Variants in GRHPR observed in about 807,000 individuals in gnomAD.
GRHPR encodes glyoxylate reductase/hydroxypyruvate reductase.
A neutral mutation model predicts 36.8 loss-of-function variants in GRHPR; 35 were observed. The observed-to-expected ratio is 0.95, with a 90% CI of 0.73 to 1.26. The LOEUF (loss-of-function observed/expected upper bound fraction) is 1.26. GRHPR is among the 50% of genes most tolerant of loss of function. The pLI is 0.00. For missense variants in GRHPR, 380 were observed against 435.0 expected, an observed-to-expected ratio of 0.87 and a Z score of 1.12; for synonymous variants, 179 against 181.0, an observed-to-expected ratio of 0.99 and a Z score of 0.09.
intron 6 of GRHPR, chr9:37,430,178 C>T (rs1823291890): frequency 1.9e-6 from 1 of 530,564 alleles, no homozygotes; most frequent in Non-Finnish European, 3.4e-6. Context: ...CTGGCAAGCA[C>T]TACCCTAGCC....
At chr9:37,426,958 A>G (rs1026160560) in intron 4 of GRHPR, among the ~76,000 whole-genome samples, 1 of 151,702 alleles carries the variant, frequency 6.6e-6, no homozygotes, top group African/African-American at 2.4e-5. Flanking sequence ...CTCAAAAAAA[A>G]AAAGAAAAAT....
rs1471519827 is a variant in GRHPR at position 37,425,092 on chromosome 9, C to T, written c.214+117C>T. On this transcript the variant is annotated intron_variant, in intron 2 of 8. Coordinates refer to ENST00000318158, the MANE Select transcript of GRHPR (RefSeq NM_012203.2). ...GTCTGGGTTCTGAGGGCGTTTCCTG[C>T]GATACCAGGCCCGAGCGGGCAGATA... The T allele has an allele frequency of 2.5e-5, 26 of 1,037,906 alleles. 1 individual carries two copies. The highest frequency in any genetic ancestry group is 3.2e-5 in the Non-Finnish European group (22 of 694,646). The allele number at this position is 1,037,906 out of a possible 1,614,324, so 64.3% of individuals were successfully genotyped here.
rs1386599313 is a variant in GRHPR at position 37,424,878 on chromosome 9, C to T, written c.117C>T (p.Pro39=). ...CEVEQWDSDE[P]IPAKELERGV... ...TGGAGCAGTGGGACTCGGATGAGCC[C>T]ATCCCTGCCAAGGAGCTAGAGCGAG... Residue 39 remains proline, a synonymous_variant, in exon 2 of 9, where the codon CCC becomes CCT. Coordinates refer to ENST00000318158, the MANE Select transcript of GRHPR (RefSeq NM_012203.2). 8 of 1,613,614 alleles carry T rather than the reference C, an allele frequency of 5.0e-6. No homozygotes were observed. The highest frequency in any genetic ancestry group is 6.8e-6 in the Non-Finnish European group (8 of 1,179,944).
Position 37,436,750 on chromosome 9 carries a change from G to A in GRHPR, c.955G>A (p.Gly319Arg), listed in dbSNP as rs142835989. 4 of 1,613,976 alleles carry A rather than the reference G, an allele frequency of 2.5e-6. No individual in the cohort carries two copies. The highest frequency in any genetic ancestry group is 3.3e-5 in the Admixed American group (2 of 59,986). The change falls in exon 9 of 9, where the codon GGG (glycine) becomes AGG (arginine). Residue 319 changes from glycine to arginine, a missense_variant. Transcript: ENST00000318158. ...AANNLLAGLRGEPMPSELKL is the reference protein window; with the variant it reads ...AANNLLAGLRREPMPSELKL ...TAACAACTTGCTGGCTGGCCTGAGA[G>A]GGGAGCCGATGCCTAGTGAACTCAA...
chr9:37,424,824 A>C (rs1332436072), intron 1 of GRHPR, 21 bp from the exon 2 acceptor site: 3 of 1,611,330 alleles, frequency 1.9e-6, no homozygotes, highest in Non-Finnish European at 2.5e-6. Flanking sequence ...GCTTCTCCTG[A>C]GGGCCTCCCT....
chr9:37,431,163 C>T (rs1179316172), intron 7 of GRHPR: 13 of 391,860 alleles, frequency 3.3e-5, no homozygotes, highest in Admixed American at 9.6e-5. Flanking sequence ...TCAGACCTTC[C>T]TTCTCTGCCA....
chr9:37,430,936 C>T, intron 7 of GRHPR: 1 of 547,884 alleles, frequency 1.8e-6, no homozygotes, highest in Non-Finnish European at 3.6e-6. Context: ...GGAGCCTCTG[C>T]AGGCCCATTA....
intron 8 of GRHPR, chr9:37,434,812 T>A (rs908644367): frequency 1.3e-5 from 2 of 152,288 alleles, no homozygotes; most frequent in East Asian, 3.8e-4. Flanking sequence ...TCGGCAAATA[T>A]AGCCACCACT....
intron 8 of GRHPR, 133 bp from the exon 9 acceptor site, chr9:37,436,528 A>C: frequency 1.0e-6 from 1 of 968,998 alleles, no homozygotes; most frequent in Non-Finnish European, 1.6e-6. Context: ...GTGGGAGAGA[A>C]GGCAAAGCAT....
chr9:37,430,335 C>T, intron 6 of GRHPR, 176 bp from the exon 7 acceptor site: 1 of 691,998 alleles, frequency 1.4e-6, no homozygotes, highest in Admixed American at 2.0e-5. Context: ...GGTCCAGATC[C>T]CACTGTGTGT....
At position 37,432,138 on chromosome 9, in the gene GRHPR, G is replaced by T. The variant is rs1469797743; in HGVS notation, c.865G>T (p.Val289Leu). The T allele has an allele frequency of 6.2e-7, 1 of 1,613,868 alleles. No homozygotes were observed. Among genetic ancestry groups the T allele is most frequent in the East Asian group, 2.2e-5 (1 of 44,868 alleles). The change falls in exon 8 of 9, where the codon GTG becomes TTG. Residue 289 changes from valine (V) to leucine (L), a missense_variant and splice_region_variant. Transcript: ENST00000318158. ...CCCTCTCCTGACCCTGAAGAACTGT[G>T]GTAAGAACTGCACTTTCTGATGCAA... ...NHPLLTLKNCVILPHIGSATH... is the reference protein window; with the variant it reads ...NHPLLTLKNCLILPHIGSATH...
rs777855353 is a variant in GRHPR at position 37,436,766 on chromosome 9, G to C, written c.971G>C (p.Ser324Thr). ...LAGLRGEPMP[S>T]ELKL is the part of the protein sequence containing the mutation. The stretch of plus-strand genomic sequence containing the variant: ...GGCCTGAGAGGGGAGCCGATGCCTA[G>C]TGAACTCAAGCTGTAGCCAAACAGT... Residue 324 changes from serine to threonine, a missense_variant, in exon 9 of 9, where the codon AGT (serine) becomes ACT (threonine). Coordinates refer to ENST00000318158, the MANE Select transcript of GRHPR (RefSeq NM_012203.2). 3.7e-6 allele frequency: 6 copies of C among 1,613,966 alleles called. No individual in the cohort carries two copies. Among genetic ancestry groups the C allele is most frequent in the Non-Finnish European group, 3.4e-6 (4 of 1,179,988 alleles).
rs369358379 is a variant in GRHPR, at chr9:37,425,908, T to C, written c.215-14T>C. ...TCGAGGAAAGATACTAACAATGCAC[T>C]TTCTGCACAACAGGGGCCAATCTCA... On this transcript the variant is annotated splice_polypyrimidine_tract_variant and intron_variant, in intron 2 of 8. Coordinates refer to ENST00000318158, the MANE Select transcript of GRHPR (RefSeq NM_012203.2). The C allele has an allele frequency of 5.6e-6, 9 of 1,603,210 alleles. No homozygotes were observed. The African/African-American group carries it at 9.4e-5, about 17-fold the overall frequency.
intron 4 of GRHPR, chr9:37,428,246 G>C: frequency 5.1e-6 from 3 of 589,872 alleles, no homozygotes; most frequent in Admixed American, 5.9e-5. Context: ...TGCAAAACAG[G>C]ATGAGAGCCA....
intron 6 of GRHPR, 165 bp from the exon 7 acceptor site, chr9:37,430,346 G>T (rs1373760616): frequency 1.4e-6 from 1 of 709,798 alleles, no homozygotes; most frequent in Non-Finnish European, 2.6e-6. Context: ...CACTGTGTGT[G>T]ATTTGACTTT....
At chr9:37,431,820 A>T in intron 7 of GRHPR, 188 bp from the exon 8 acceptor site, 1 of 581,376 alleles carries the variant, frequency 1.7e-6, no homozygotes, top group Non-Finnish European at 3.1e-6. Flanking sequence ...ACACAGCTAG[A>T]AGGAGGCAGG....
At chr9:37,433,559 C>T (rs309453) in intron 8 of GRHPR, among the ~76,000 whole-genome samples, 88,956 of 151,914 alleles carry the variant, frequency 0.59, 28,150 homozygotes, top group East Asian at 0.85. Flanking sequence ...GTCAGAATCA[C>T]CTGGAGGAGT....
rs1207622008 is a variant in GRHPR at position 37,436,801 on chromosome 9, G to C, written c.*19G>C. 1 of 1,613,720 alleles carries C rather than the reference G, an allele frequency of 6.2e-7. No individual in the cohort carries two copies. The highest frequency in any genetic ancestry group is 1.3e-5 in the African/African-American group (1 of 74,916). ...GCTGTAGCCAAACAGTAGAGATGGA[G>C]GGCCGGGAAGCAAACCGTGCCCTGG... On this transcript the variant is annotated 3_prime_UTR_variant, in exon 9 of 9. Transcript: ENST00000318158.
chr9:37,429,249 A>C (rs561584430), intron 5 of GRHPR: 16 of 280,410 alleles, frequency 5.7e-5, no homozygotes, highest in African/African-American at 3.1e-4. Flanking sequence ...CCAACTGTAC[A>C]AATCTGTCTC....
Sources: gnomAD v4.1 joint callset for allele counts (sites outside exome capture counted in the v4.1 genomes callset) on GRCh38, gnomAD v4.1.1 for gene constraint, MANE v1.5 for transcripts, NCBI Gene and HGNC (gene_info 2026-07-23, HGNC 2026-07-21) for gene names.